Variants in HIGD2B observed in about 807,000 individuals in gnomAD.
HIGD2B encodes HIG1 hypoxia inducible domain family member 2B.
For synonymous variants in HIGD2B, 45 were observed against 28.1 expected, an observed-to-expected ratio of 1.60 and a Z score of -1.90; for missense variants, 106 against 67.0, an observed-to-expected ratio of 1.58 and a Z score of -2.03.
At position 72,680,022 on chromosome 15, in the gene HIGD2B, A is replaced by G. The variant is rs1036090119; in HGVS notation, c.-21T>C. ...CAAACATTTCCTACTTACATGGAAC[A>G]GTGGAAAGTGCCAACAGAGTTCTCC... On this transcript the variant is annotated 5_prime_UTR_variant, in exon 2 of 3. Coordinates refer to ENST00000311755, the MANE Select transcript of HIGD2B (RefSeq NM_001350932.3). 28 of 450,786 alleles carry G rather than the reference A, an allele frequency of 6.2e-5. No homozygotes were observed. The highest frequency in any genetic ancestry group is 5.8e-4 in the African/African-American group (28 of 48,064). The allele number at this position is 450,786 out of a possible 1,614,324, so 27.9% of individuals were successfully genotyped here.
At chr15:72,681,141 G>A (rs184286403) in intron 1 of HIGD2B, among the ~76,000 whole-genome samples, 46 of 152,262 alleles carry the variant, frequency 3.0e-4, no homozygotes, top group Non-Finnish European at 5.7e-4. Flanking sequence ...AGTTGCCAGG[G>A]AGTGTGGACC....
chr15:72,681,407 C>T (rs2064748199), intron 1 of HIGD2B, among the ~76,000 whole-genome samples: 1 of 152,108 alleles, frequency 6.6e-6, no homozygotes, highest in Non-Finnish European at 1.5e-5. Flanking sequence ...TTAGATCCCA[C>T]AAGACAACCG....
At chr15:72,683,392 T>C (rs1489736713) in intron 1 of HIGD2B, among the ~76,000 whole-genome samples, 2 of 150,302 alleles carry the variant, frequency 1.3e-5, no homozygotes, top group African/African-American at 4.9e-5. Flanking sequence ...AAAAATAGGG[T>C]AGAAGATAAA....
intron 1 of HIGD2B, among the ~76,000 whole-genome samples, chr15:72,681,143 G>C (rs2064745334): frequency 6.6e-6 from 1 of 152,166 alleles, no homozygotes. Context: ...TTGCCAGGGA[G>C]TGTGGACCAG....
intron 1 of HIGD2B, among the ~76,000 whole-genome samples, chr15:72,685,480 T>C (rs2064809261): frequency 6.6e-6 from 1 of 152,296 alleles, no homozygotes; most frequent in African/African-American, 2.4e-5. Flanking sequence ...CACGTTTTCC[T>C]AGTTTAGAAA....
At chr15:72,683,166 G>A (rs1344244052) in intron 1 of HIGD2B, among the ~76,000 whole-genome samples, 1 of 152,220 alleles carries the variant, frequency 6.6e-6, no homozygotes, top group East Asian at 1.9e-4. Context: ...GAAATAAATT[G>A]TTGCATCTTT....
In HIGD2B at chr15:72,686,081, T is replaced by G; in HGVS notation, c.-456A>C. On this transcript the variant is annotated 5_prime_UTR_variant, in exon 1 of 3. Coordinates refer to ENST00000311755, the MANE Select transcript of HIGD2B (RefSeq NM_001350932.3). ...GGTAAGCCTTCTGTGGAGCAGACCC[T>G]AATCCTCCCCCTGATTCCTTAGGTC... The G allele has an allele frequency of 1.2e-6, 1 of 850,000 alleles. No homozygotes were observed. Among genetic ancestry groups the G allele is most frequent in the South Asian group, 1.5e-5 (1 of 68,374 alleles). The allele number at this position is 850,000 out of a possible 1,614,324, so 52.7% of individuals were successfully genotyped here. A position where few individuals can be genotyped will look rare whatever the true frequency, so the allele number is the denominator to read the frequency against.
At chr15:72,683,540 G>T (rs1265959843) in intron 1 of HIGD2B, among the ~76,000 whole-genome samples, 1 of 151,012 alleles carries the variant, frequency 6.6e-6, no homozygotes, top group African/African-American at 2.4e-5. Context: ...CTGAAAAACT[G>T]CATGAAACTA....
Position 72,685,961 on chromosome 15 carries a change from G to A in HIGD2B, c.-336C>T, listed in dbSNP as rs1453452759. ...GGCCTACCAGCCAGCGCGGCCGGAGGTACAGACCATGTACAGACCACGGCG... is the reference window on the plus strand; with the variant it reads ...GGCCTACCAGCCAGCGCGGCCGGAGATACAGACCATGTACAGACCACGGCG... On this transcript the variant is annotated 5_prime_UTR_variant, in exon 1 of 3. Coordinates refer to ENST00000311755, the MANE Select transcript of HIGD2B (RefSeq NM_001350932.3). 1.8e-6 allele frequency: 1 copy of A among 571,346 alleles called. No individual in the cohort carries two copies. The highest frequency in any genetic ancestry group is 3.0e-5 in the Admixed American group (1 of 32,962). 35.4% of individuals were successfully genotyped at this position (571,346 alleles called of 1,614,324 possible).
At position 72,685,896 on chromosome 15, in the gene HIGD2B, G is replaced by A; in HGVS notation, c.-271C>T. On this transcript the variant is annotated 5_prime_UTR_variant, in exon 1 of 3. Transcript: ENST00000311755. ...AAATGCAGATTAGAGTCAGGGCAGGGTAAGGTGGCGGGAGAACTAGGCTGC... is the reference window on the plus strand; with the variant it reads ...AAATGCAGATTAGAGTCAGGGCAGGATAAGGTGGCGGGAGAACTAGGCTGC... The A allele has an allele frequency of 2.0e-6, 1 of 490,380 alleles. No homozygotes were observed. Among genetic ancestry groups the A allele is most frequent in the East Asian group, 3.9e-5 (1 of 25,794 alleles). 30.4% of individuals were successfully genotyped at this position (490,380 alleles called of 1,614,324 possible).
rs1180968245 is a variant in HIGD2B at position 72,680,189 on chromosome 15, A to G, written c.-188T>C. ...TACAGCCTATTTCAGGTTTGACCTC[A>G]GTAGCTAGAGGAAAAGTGGTTAAAC... On this transcript the variant is annotated 5_prime_UTR_variant, in exon 2 of 3. Coordinates refer to ENST00000311755, the MANE Select transcript of HIGD2B (RefSeq NM_001350932.3). 2.4e-5 allele frequency: 4 copies of G among 164,282 alleles called. No individual in the cohort carries two copies. Among genetic ancestry groups the G allele is most frequent in the African/African-American group, 9.6e-5 (4 of 41,670 alleles). 10.2% of individuals were successfully genotyped at this position (164,282 alleles called of 1,614,324 possible).
chr15:72,682,321 C>T (rs2064758295), intron 1 of HIGD2B: 2 of 223,974 alleles, frequency 8.9e-6, no homozygotes, highest in South Asian at 1.6e-4. Context: ...TTTAAAAATC[C>T]CCCAGAAAAG....
In HIGD2B at chr15:72,676,092, GC is replaced by G. The variant is rs770066333; in HGVS notation, c.282del (p.Leu94PhefsTer4). 33 of 764,664 alleles carry G rather than the reference GC, an allele frequency of 4.3e-5. No individual in the cohort carries two copies. In the African/African-American group the frequency reaches 5.6e-4, roughly 13 times the overall value. The allele number at this position is 764,664 out of a possible 1,614,324, so 47.4% of individuals were successfully genotyped here. A position where few individuals can be genotyped will look rare whatever the true frequency, so the allele number is the denominator to read the frequency against. On this transcript the variant is annotated frameshift_variant, in exon 3 of 3. Coordinates refer to ENST00000311755, the MANE Select transcript of HIGD2B (RefSeq NM_001350932.3). LOFTEE classifies it high-confidence loss of function. Reference protein sequence around the residue: ...AAQGFTIAAILLGLAATAMKS... With the variant: ...AAQGFTIAAIXLGLAATAMKS... The stretch of plus-strand genomic sequence containing the variant: ...TTCATAGCGGTGGCAGCTAGACCCA[GC>G]AAGATGGCTGCAATGGTGAAGCCCT...
At chr15:72,684,779 G>A (rs1428360000) in intron 1 of HIGD2B, among the ~76,000 whole-genome samples, 1 of 151,842 alleles carries the variant, frequency 6.6e-6, no homozygotes, top group African/African-American at 2.4e-5. Flanking sequence ...GTGAGCCACC[G>A]AGCCCAGCAA....
rs369422677 is a variant in HIGD2B, at chr15:72,676,594, T to C, written c.-13-207A>G. On this transcript the variant is annotated intron_variant, in intron 2 of 2. Coordinates refer to ENST00000311755, the MANE Select transcript of HIGD2B (RefSeq NM_001350932.3). ...CCAGGCTAATTTTCATATTTGTATTTTTAGTAGAGACGGGGTTTCACCATA... is the reference window on the plus strand; with the variant it reads ...CCAGGCTAATTTTCATATTTGTATTCTTAGTAGAGACGGGGTTTCACCATA... Among the ~76,000 whole-genome samples the C allele has an allele frequency of 1.9e-3, 287 of 152,248 alleles. 1 individual carries two copies. Among genetic ancestry groups the C allele is most frequent in the African/African-American group, 6.6e-3 (273 of 41,540 alleles).
At chr15:72,683,789 C>T (rs1286017705) in intron 1 of HIGD2B, among the ~76,000 whole-genome samples, 1 of 151,682 alleles carries the variant, frequency 6.6e-6, no homozygotes. Context: ...TGCAGTGAGC[C>T]GTGATTGTCC....
intron 2 of HIGD2B, among the ~76,000 whole-genome samples, chr15:72,678,792 G>C (rs868810674): frequency 1.2e-4 from 19 of 152,106 alleles, no homozygotes; most frequent in Middle Eastern, 3.4e-3. Flanking sequence ...AAGCCTTGGA[G>C]TTTGAGACCA....
At chr15:72,678,616 T>C (rs770410486) in intron 2 of HIGD2B, among the ~76,000 whole-genome samples, 2 of 152,138 alleles carry the variant, frequency 1.3e-5, no homozygotes, top group African/African-American at 2.4e-5. Context: ...TTTCTATAAT[T>C]TTCAACAGAC....
chr15:72,680,292 C>G (rs998999047), intron 1 of HIGD2B, 99 bp from the exon 2 acceptor site: 3 of 152,586 alleles, frequency 2.0e-5, no homozygotes, highest in Non-Finnish European at 4.4e-5. Context: ...TTTTATGGAT[C>G]AAAAACTATT....
Sources: gnomAD v4.1 joint callset for allele counts (sites outside exome capture counted in the v4.1 genomes callset) on GRCh38, gnomAD v4.1.1 for gene constraint, MANE v1.5 for transcripts, NCBI Gene and HGNC (gene_info 2026-07-23, HGNC 2026-07-21) for gene names.